The following CACNA2D1 variants were observed in gnomAD, a reference collection of about 807,000 sequenced individuals.
CACNA2D1 encodes the protein calcium voltage-gated channel auxiliary subunit alpha2delta 1, also known as voltage-dependent calcium channel subunit alpha-2/delta-1.
A neutral mutation model predicts 171.5 loss-of-function variants in CACNA2D1; 53 were observed. That is an observed-to-expected ratio of 0.31 (90% CI 0.25 to 0.39). The LOEUF is 0.39. Ranked by LOEUF, CACNA2D1 falls within the 10% of genes least tolerant of loss-of-function variation. CACNA2D1 has a pLI of 1.00. For missense variants in CACNA2D1, 903 were observed against 1,299.8 expected (o/e 0.69, Z 4.69); for synonymous variants, 442 against 443.1 (o/e 1.00, Z 0.03).
At chr7:82,169,149 A>C (rs529565172) in intron 4 of CACNA2D1, among the ~76,000 whole-genome samples, 1 of 152,066 alleles carries the variant, frequency 6.6e-6, no homozygotes, top group African/African-American at 2.4e-5. Context: ...AAAAACAAAA[A>C]AAATCGTTTT....
At chr7:82,074,014 C>T (rs1244206009) in intron 7 of CACNA2D1, among the ~76,000 whole-genome samples, 2 of 151,858 alleles carry the variant, frequency 1.3e-5, no homozygotes, top group African/African-American at 2.4e-5. Flanking sequence ...GAAAATAAAA[C>T]AAAAAAATTA....
chr7:82,188,896 C>G (rs1279052292), intron 3 of CACNA2D1, among the ~76,000 whole-genome samples: 1 of 151,992 alleles, frequency 6.6e-6, no homozygotes, highest in Non-Finnish European at 1.5e-5. Context: ...AGGCCATTAT[C>G]CTAAGTGAAT....
intron 20 of CACNA2D1, among the ~76,000 whole-genome samples, chr7:81,992,408 ATG>A (rs1209961016): frequency 2.0e-5 from 3 of 152,082 alleles, no homozygotes; most frequent in African/African-American, 7.2e-5. Flanking sequence ...TACACAATGA[ATG>A]TGTGCGTGTT....
At chr7:82,159,078 G>C (rs1293222003) in intron 4 of CACNA2D1, among the ~76,000 whole-genome samples, 1 of 151,796 alleles carries the variant, frequency 6.6e-6, no homozygotes, top group Non-Finnish European at 1.5e-5. Flanking sequence ...ATAGCTAGCA[G>C]GTATCTAGGG....
intron 3 of CACNA2D1, among the ~76,000 whole-genome samples, chr7:82,262,154 AC>A (rs1807198725): frequency 6.6e-6 from 1 of 152,116 alleles, no homozygotes. Flanking sequence ...ACACGGTGAA[AC>A]CCCGTCTCTA....
Position 82,165,412 on chromosome 7 carries a change from T to G in CACNA2D1, c.354+5138A>C, listed in dbSNP as rs138237697. Among the ~76,000 whole-genome samples the G allele has an allele frequency of 1.2e-4, 19 of 152,144 alleles. No individual in the cohort carries two copies. The East Asian group carries it at 3.7e-3, about 29-fold the overall frequency. On this transcript the variant is annotated intron_variant, in intron 4 of 38. Coordinates refer to ENST00000356860, the MANE Select transcript of CACNA2D1 (RefSeq NM_000722.4). ...GGTCAGTAAAATCATTAGAAAATAT[T>G]AAAAATTGTTAACTGTGAAACCAGT... is the stretch of plus-strand genomic sequence containing the variant.
At chr7:82,331,001 T>C (rs573980656) in intron 3 of CACNA2D1, among the ~76,000 whole-genome samples, 139 of 152,208 alleles carry the variant, frequency 9.1e-4, no homozygotes, top group Admixed American at 3.5e-3. Context: ...ATCTCTGTCC[T>C]GATCTACTGA....
chr7:82,141,015 T>C (rs1240989033), intron 4 of CACNA2D1, among the ~76,000 whole-genome samples: 1 of 151,774 alleles, frequency 6.6e-6, no homozygotes, highest in Non-Finnish European at 1.5e-5. Flanking sequence ...GTTTGAATGC[T>C]TTCAGAATTA....
At chr7:82,223,927 T>G (rs1802059332) in intron 3 of CACNA2D1, among the ~76,000 whole-genome samples, 1 of 152,264 alleles carries the variant, frequency 6.6e-6, no homozygotes, top group Admixed American at 6.5e-5. Context: ...TGACGTGACA[T>G]TCCTACTACT....
At chr7:82,141,399 C>T (rs1188195993) in intron 4 of CACNA2D1, among the ~76,000 whole-genome samples, 1 of 151,980 alleles carries the variant, frequency 6.6e-6, no homozygotes, top group African/African-American at 2.4e-5. Flanking sequence ...AGTTAAATGC[C>T]TTAAGTGGGT....
At position 82,380,543 on chromosome 7, in the gene CACNA2D1, A is replaced by C. The variant is rs558255939; in HGVS notation, c.96-30894T>G. On this transcript the variant is annotated intron_variant, in intron 1 of 38. Transcript: ENST00000356860. The stretch of plus-strand genomic sequence containing the variant: ...AGAGACAGGCGGCAAGTGAGAGGGA[A>C]GGGCCTCCATTCAATAAGCATTTTG... Among the ~76,000 whole-genome samples the C allele has an allele frequency of 2.0e-5, 3 of 152,268 alleles. No individual in the cohort carries two copies. The East Asian group carries it at 5.8e-4, about 29-fold the overall frequency.
At position 82,032,874 on chromosome 7, in the gene CACNA2D1, T is replaced by C. The variant is rs201682618; in HGVS notation, c.1066A>G (p.Lys356Glu). 1.6e-4 allele frequency: 251 copies of C among 1,599,096 alleles called. No individual in the cohort carries two copies. The highest frequency in any genetic ancestry group is 2.0e-4 in the Non-Finnish European group (231 of 1,167,210). The change falls in exon 12 of 39, where the codon AAG becomes GAG. Residue 356 changes from lysine to glutamate, a missense_variant. Around this residue, in one of 5 missense-constraint regions of CACNA2D1, gnomAD observed 623 missense variants for 925.5 expected, o/e 0.67. Transcript: ENST00000356860. ...CCATCCGTGAATAGCATAATAATCT[T>C]ATTGCAGTTTGCTCTGGAAACATTA... ...NYNVSRANCNKIIMLFTDGGE... is the reference protein window; with the variant it reads ...NYNVSRANCNEIIMLFTDGGE...
chr7:82,326,361 CAAT>C (rs1170255335), intron 3 of CACNA2D1, among the ~76,000 whole-genome samples: 4 of 152,108 alleles, frequency 2.6e-5, no homozygotes, highest in Non-Finnish European at 5.9e-5. Context: ...AAAAACCCAT[CAAT>C]GATGTTAAGT....
At chr7:82,288,017 T>A (rs1811043782) in intron 3 of CACNA2D1, among the ~76,000 whole-genome samples, 1 of 150,178 alleles carries the variant, frequency 6.7e-6, no homozygotes, top group African/African-American at 2.5e-5. Context: ...TTTTTTTGTA[T>A]TTTTAGTAGA....
intron 3 of CACNA2D1, among the ~76,000 whole-genome samples, chr7:82,270,235 T>C (rs1323353257): frequency 2.0e-5 from 3 of 152,196 alleles, no homozygotes; most frequent in East Asian, 1.9e-4. Flanking sequence ...TCTTGAGTCA[T>C]TGGCTATTCC....
Position 81,964,192 on chromosome 7 carries a change from G to A in CACNA2D1, c.2727+15C>T, listed in dbSNP as rs200274400. Reference sequence around the variant, plus strand: ...GTACCCCTTGAGAATTGATTAGACCGTGGATATTACTGACCACATATGCTG... The same window carrying A: ...GTACCCCTTGAGAATTGATTAGACCATGGATATTACTGACCACATATGCTG... On this transcript the variant is annotated intron_variant, in intron 33 of 38. Coordinates refer to ENST00000356860, the MANE Select transcript of CACNA2D1 (RefSeq NM_000722.4). 27 of 1,612,560 alleles carry A rather than the reference G, an allele frequency of 1.7e-5. No homozygotes were observed. Among genetic ancestry groups the A allele is most frequent in the South Asian group, 5.5e-5 (5 of 91,060 alleles).
intron 20 of CACNA2D1, among the ~76,000 whole-genome samples, chr7:81,991,511 A>G (rs1440652157): frequency 1.3e-5 from 2 of 152,218 alleles, no homozygotes; most frequent in East Asian, 3.8e-4. Flanking sequence ...CCTGAAAAAC[A>G]AATTTTAATA....
chr7:82,384,321 A>G (rs1032441677), intron 1 of CACNA2D1, among the ~76,000 whole-genome samples: 2 of 152,196 alleles, frequency 1.3e-5, no homozygotes, highest in African/African-American at 2.4e-5. Flanking sequence ...TGAGGCCCTC[A>G]TAATGCATTT....
At chr7:82,124,012 A>T (rs12537921) in intron 5 of CACNA2D1, among the ~76,000 whole-genome samples, 25,591 of 152,012 alleles carry the variant, frequency 0.17, 2,551 homozygotes, top group East Asian at 0.34. Context: ...AAAAATATTT[A>T]AACCATTTAT....
Sources: gnomAD v4.1 joint callset for allele counts (sites outside exome capture counted in the v4.1 genomes callset) on GRCh38, gnomAD v4.1.1 for gene constraint, gnomAD v4.1.1 regional missense constraint, MANE v1.5 for transcripts, NCBI Gene and HGNC (gene_info 2026-07-23, HGNC 2026-07-21) for gene names.